Variants in CYSLTR1 observed in about 807,000 individuals in gnomAD.
The protein encoded by CYSLTR1 is G-protein coupled receptor HG55.
CYSLTR1 carries 1 observed loss-of-function variant against 2.1 expected under a neutral mutation model. That is an observed-to-expected ratio of 0.48 (90% CI 0.17 to 2.28). The LOEUF (loss-of-function observed/expected upper bound fraction) is 2.28, where lower values mean the gene tolerates loss of function less well. CYSLTR1 is among the 30% of genes most tolerant of loss of function. The pLI is 0.26. For synonymous variants in CYSLTR1, 110 were observed against 89.6 expected (o/e 1.23, Z -1.28); for missense variants, 299 against 250.1 (o/e 1.20, Z -1.32).
rs758046169 is a variant in CYSLTR1, at chrX:78,272,649, ATTT to A, written c.*81_*83del. 25 of 968,166 alleles carry A rather than the reference ATTT, an allele frequency of 2.6e-5. No individual in the cohort carries two copies. The highest frequency in any genetic ancestry group is 3.4e-5 in the Non-Finnish European group (25 of 737,532). The allele number at this position is 968,166 out of a possible 1,213,427, so 79.8% of individuals were successfully genotyped here. A position where few individuals can be genotyped will look rare whatever the true frequency, so the allele number is the denominator to read the frequency against. On this transcript the variant is annotated 3_prime_UTR_variant, in exon 3 of 3. Coordinates refer to ENST00000373304, the MANE Select transcript of CYSLTR1 (RefSeq NM_006639.4). The stretch of plus-strand genomic sequence containing the variant: ...AAGTATTTGTAAAATATTAAGTAAA[ATTT>A]TTATTTTTTTTGTAAATGATTTGAC...
At chrX:78,299,570 G>A (rs1393123526) in intron 1 of CYSLTR1, among the ~76,000 whole-genome samples, 3 of 109,783 alleles carry the variant, frequency 2.7e-5, no homozygotes, top group Non-Finnish European at 5.7e-5. Context: ...ACTATTTTAT[G>A]GTAGAATTTT....
At chrX:78,324,516 C>A (rs754658081) in intron 1 of CYSLTR1, among the ~76,000 whole-genome samples, 2 of 111,178 alleles carry the variant, frequency 1.8e-5, no homozygotes, top group African/African-American at 6.6e-5. Context: ...TACAGGCATG[C>A]CTCATGACAC....
chrX:78,284,944 C>T (rs2149186039), intron 1 of CYSLTR1, among the ~76,000 whole-genome samples: 1 of 111,322 alleles, frequency 9.0e-6, no homozygotes, highest in South Asian at 3.8e-4. Context: ...GTTCCTTTTT[C>T]TCTAGGTAAG....
intron 1 of CYSLTR1, chrX:78,320,122 C>G (rs1017046068): frequency 3.6e-5 from 4 of 112,126 alleles, no homozygotes; most frequent in African/African-American, 1.3e-4. Flanking sequence ...AATTAGATCC[C>G]ATTTGTCAAT....
At chrX:78,320,312 T>C (rs928030052) in intron 1 of CYSLTR1, 1 of 112,069 alleles carries the variant, frequency 8.9e-6, no homozygotes, top group African/African-American at 3.2e-5. Context: ...GGATCCAGTT[T>C]CAGCTTTCTG....
At chrX:78,304,342 T>C in intron 1 of CYSLTR1, among the ~76,000 whole-genome samples, 1 of 111,618 alleles carries the variant, frequency 9.0e-6, no homozygotes, top group Middle Eastern at 4.6e-3. Context: ...ATTTGATAGC[T>C]CATTTTTATC....
chrX:78,312,140 C>T (rs1923241856), intron 1 of CYSLTR1, among the ~76,000 whole-genome samples: 1 of 111,177 alleles, frequency 9.0e-6, no homozygotes, highest in African/African-American at 3.3e-5. Context: ...GACACATACA[C>T]CAATGGAACA....
At position 78,273,112 on chromosome X, in the gene CYSLTR1, A is replaced by T. The variant is rs775364230; in HGVS notation, c.635T>A (p.Ile212Asn). The T allele has an allele frequency of 2.5e-6, 3 of 1,209,136 alleles. No individual in the cohort carries two copies. The highest frequency in any genetic ancestry group is 3.4e-6 in the Non-Finnish European group (3 of 893,873). The stretch of plus-strand genomic sequence containing the variant: ...TGATTTTTTTAGTAAGGTCAAAATG[A>T]TCATTGTGTAACAGACAATTATAAT... ...FVIIIVCYTM[I>N]ILTLLKKSMK... is the part of the protein sequence containing the mutation. Residue 212 changes from isoleucine to asparagine, a missense_variant, in exon 3 of 3, where the codon ATC becomes AAC. Physicochemically the swap from Ile to Asn is moderately radical, Grantham distance 149. Transcript: ENST00000373304.
At chrX:78,280,653 C>A (rs1215307360) in intron 2 of CYSLTR1, among the ~76,000 whole-genome samples, 1 of 110,137 alleles carries the variant, frequency 9.1e-6, no homozygotes, top group Non-Finnish European at 1.9e-5. Flanking sequence ...TCTATACAAT[C>A]ATTTGTTGTA....
rs181505393 is a variant in CYSLTR1, at chrX:78,291,826, T to A, written c.-114-8286A>T. ...TGGTGATATCCCCTTTATTGTTTTT[T>A]AATTGTGTCTATTTGATTCTTCTCT... is the stretch of plus-strand genomic sequence containing the variant. On this transcript the variant is annotated intron_variant, in intron 1 of 2. Coordinates refer to ENST00000373304, the MANE Select transcript of CYSLTR1 (RefSeq NM_006639.4). Among the ~76,000 whole-genome samples, 81 of 110,947 alleles carry A rather than the reference T, an allele frequency of 7.3e-4. No individual in the cohort carries two copies. In the East Asian group the frequency reaches 0.022, roughly 30 times the overall value.
chrX:78,320,738 C>T (rs1412999806), intron 1 of CYSLTR1: 1 of 111,676 alleles, frequency 9.0e-6, no homozygotes, highest in Non-Finnish European at 1.9e-5. Context: ...TCTTCCTACC[C>T]ATGAGCATGG....
At chrX:78,280,819 A>G (rs1921809652) in intron 2 of CYSLTR1, among the ~76,000 whole-genome samples, 1 of 111,488 alleles carries the variant, frequency 9.0e-6, no homozygotes, top group Non-Finnish European at 1.9e-5. Context: ...CCCACTTATA[A>G]GTGAGAACAT....
At chrX:78,292,878 G>A (rs1194182812) in intron 1 of CYSLTR1, among the ~76,000 whole-genome samples, 31 of 106,924 alleles carry the variant, frequency 2.9e-4, no homozygotes, top group African/African-American at 9.7e-4. Flanking sequence ...GTCTTTGCAC[G>A]TGAGATGGGT....
At chrX:78,321,092 A>T (rs1923635161) in intron 1 of CYSLTR1, 1 of 109,237 alleles carries the variant, frequency 9.2e-6, no homozygotes, top group African/African-American at 3.3e-5. Flanking sequence ...GTAATAGAGC[A>T]TCTAATTTCC....
At position 78,271,635 on chromosome X, in the gene CYSLTR1, G is replaced by A. The variant is rs1277657403; in HGVS notation, c.*1098C>T. The A allele has an allele frequency of 1.8e-5, 2 of 111,796 alleles. No homozygotes were observed. Among genetic ancestry groups the A allele is most frequent in the Admixed American group, 9.6e-5 (1 of 10,415 alleles). 9.2% of individuals were successfully genotyped at this position (111,796 alleles called of 1,213,427 possible). ...TCAAAGCGTCCACTGTAATATAAAAGTCACTGTAAACATATCCATGATATT... is the reference window on the plus strand; with the variant it reads ...TCAAAGCGTCCACTGTAATATAAAAATCACTGTAAACATATCCATGATATT... On this transcript the variant is annotated 3_prime_UTR_variant, in exon 3 of 3. Coordinates refer to ENST00000373304, the MANE Select transcript of CYSLTR1 (RefSeq NM_006639.4).
intron 1 of CYSLTR1, among the ~76,000 whole-genome samples, chrX:78,326,403 T>C (rs1256048504): frequency 8.9e-6 from 1 of 112,286 alleles, no homozygotes; most frequent in Non-Finnish European, 1.9e-5. Context: ...TTAGTTACAA[T>C]TTCTTTTAAA....
chrX:78,299,357 T>C (rs1475959867), intron 1 of CYSLTR1, among the ~76,000 whole-genome samples: 7 of 111,704 alleles, frequency 6.3e-5, no homozygotes, highest in Non-Finnish European at 1.3e-4. Context: ...TATGTGTTTT[T>C]CTGTGTACTT....
chrX:78,326,892 C>T (rs1470820090), intron 1 of CYSLTR1, among the ~76,000 whole-genome samples: 3 of 112,083 alleles, frequency 2.7e-5, no homozygotes, highest in African/African-American at 6.5e-5. Context: ...GAAAATTTTA[C>T]TCTCCACTGG....
chrX:78,276,928 G>A (rs1045374767), intron 2 of CYSLTR1, among the ~76,000 whole-genome samples: 1 of 111,172 alleles, frequency 9.0e-6, no homozygotes, highest in African/African-American at 3.3e-5. Flanking sequence ...CTGGGGAAGA[G>A]ATGAGTGAAA....
Sources: gnomAD v4.1 joint callset for allele counts (sites outside exome capture counted in the v4.1 genomes callset) on GRCh38, gnomAD v4.1.1 for gene constraint, MANE v1.5 for transcripts, NCBI Gene and HGNC (gene_info 2026-07-23, HGNC 2026-07-21) for gene names.